Variants in FMN1 observed in about 807,000 individuals in gnomAD.
The protein encoded by FMN1 is formin 1.
In FMN1, 110 loss-of-function variants were observed where a neutral mutation model predicts 132.4. The observed-to-expected ratio is 0.83, with a 90% CI of 0.71 to 0.97. The LOEUF (loss-of-function observed/expected upper bound fraction) is 0.97, where lower values mean the gene tolerates loss of function less well. Ranked by LOEUF, FMN1 falls within the 50% of genes least tolerant of loss-of-function variation. The probability of loss-of-function intolerance (pLI) is 0.00; values close to 1 mark genes in which losing one functional copy is unlikely to be tolerated. For synonymous variants in FMN1, 722 were observed against 651.7 expected (o/e 1.11, Z -1.64); for missense variants, 1,792 against 1,705.3 (o/e 1.05, Z -0.90).
rs1445863921 is a variant in FMN1, at chr15:32,785,215, TATA to T, written c.4131-8299_4131-8297del. Among the ~76,000 whole-genome samples the T allele has an allele frequency of 2.1e-4, 12 of 57,772 alleles. No individual in the cohort carries two copies. The East Asian group carries it at 2.7e-3, about 13-fold the overall frequency. The allele number at this position is 57,772 out of a possible 152,430, so 37.9% of individuals were successfully genotyped here. A position where few individuals can be genotyped will look rare whatever the true frequency, so the allele number is the denominator to read the frequency against. ...GTGTGTGTGTGTATATATATATATA[TATA>T]TTTTTTTTTTTTTTTTTTTGTAGAG... On this transcript the variant is annotated intron_variant, in intron 19 of 20. Transcript: ENST00000616417.
intron 17 of FMN1, among the ~76,000 whole-genome samples, chr15:32,835,844 T>A (rs541462027): frequency 6.6e-6 from 1 of 152,214 alleles, no homozygotes; most frequent in South Asian, 2.1e-4. Flanking sequence ...ACTGTTCTTC[T>A]TTTTCTGTTT....
chr15:32,808,477 T>C (rs2057758663), intron 17 of FMN1, among the ~76,000 whole-genome samples: 1 of 152,186 alleles, frequency 6.6e-6, no homozygotes, highest in South Asian at 2.1e-4. Context: ...GGGTTGGCTG[T>C]TTTGCCAGAG....
At chr15:32,901,846 T>A in intron 13 of FMN1, 65 bp downstream of exon 13, 1 of 1,372,174 alleles carries the variant, frequency 7.3e-7, no homozygotes, top group Non-Finnish European at 9.9e-7. Context: ...ATTAAAGTGG[T>A]CTCTCCCACT....
At chr15:32,799,188 T>A (rs528221815) in intron 18 of FMN1, among the ~76,000 whole-genome samples, 9 of 152,322 alleles carry the variant, frequency 5.9e-5, no homozygotes, top group Admixed American at 4.6e-4. Flanking sequence ...CTTATCTGTA[T>A]AAAATCAGCA....
intron 7 of FMN1, among the ~76,000 whole-genome samples, chr15:32,989,304 G>A (rs1390709274): frequency 6.6e-6 from 1 of 152,190 alleles, no homozygotes; most frequent in African/African-American, 2.4e-5. Context: ...ATTATAATGT[G>A]AGAACTAGTC....
chr15:32,966,826 T>G (rs1013551131), intron 8 of FMN1, among the ~76,000 whole-genome samples: 1 of 152,242 alleles, frequency 6.6e-6, no homozygotes, highest in Non-Finnish European at 1.5e-5. Context: ...GCCTCCTTTA[T>G]GAGAAGGTAT....
chr15:33,050,083 T>C (rs1307503735), intron 6 of FMN1, among the ~76,000 whole-genome samples: 1 of 152,260 alleles, frequency 6.6e-6, no homozygotes, highest in African/African-American at 2.4e-5. Flanking sequence ...TTGTGTTCAA[T>C]GATTCTGCCC....
At chr15:32,990,472 C>T (rs16962724) in intron 7 of FMN1, among the ~76,000 whole-genome samples, 2,893 of 152,124 alleles carry the variant, frequency 0.019, 75 homozygotes, top group African/African-American at 0.064. Flanking sequence ...AGAGTTGGAA[C>T]GGAATTCAAG....
At chr15:32,840,673 G>A (rs2058726812) in intron 17 of FMN1, among the ~76,000 whole-genome samples, 1 of 152,204 alleles carries the variant, frequency 6.6e-6, no homozygotes, top group Non-Finnish European at 1.5e-5. Flanking sequence ...GTGGGTGGGA[G>A]GCAGTCCTTG....
intron 12 of FMN1, among the ~76,000 whole-genome samples, chr15:32,905,491 G>A (rs2060401778): frequency 6.6e-6 from 1 of 152,146 alleles, no homozygotes; most frequent in African/African-American, 2.4e-5. Context: ...ATCAAACCCA[G>A]TAGAGCCTCA....
At chr15:32,962,906 T>C (rs1045173901) in intron 9 of FMN1, among the ~76,000 whole-genome samples, 49 of 148,096 alleles carry the variant, frequency 3.3e-4, no homozygotes, top group East Asian at 3.0e-3. Flanking sequence ...GACTGTAAAC[T>C]AGTTCAACCA....
chr15:33,057,929 A>G (rs1018528387), intron 6 of FMN1, among the ~76,000 whole-genome samples: 26 of 152,102 alleles, frequency 1.7e-4, no homozygotes, highest in African/African-American at 3.9e-4. Context: ...GTTGATGGCT[A>G]TAAGCACATG....
rs367588805 is a variant in FMN1, at chr15:32,992,547, C to G, written c.2223+15467G>C. 6.6e-5 allele frequency among the ~76,000 whole-genome samples: 10 copies of G among 152,088 alleles called. No homozygotes were observed. The East Asian group carries it at 1.2e-3, about 18-fold the overall frequency. On this transcript the variant is annotated intron_variant, in intron 7 of 20. Transcript: ENST00000616417. ...AGATTATAGATCATATCTTAGTTTA[C>G]AAACTTAAGAAAAAGGACTGGTATC...
chr15:32,988,616 T>C (rs1446044622), intron 7 of FMN1, among the ~76,000 whole-genome samples: 1 of 152,218 alleles, frequency 6.6e-6, no homozygotes, highest in Non-Finnish European at 1.5e-5. Flanking sequence ...GAGGCTCGAC[T>C]TTCAGTCATG....
At chr15:32,946,580 G>C (rs1385692872) in intron 9 of FMN1, among the ~76,000 whole-genome samples, 1 of 152,148 alleles carries the variant, frequency 6.6e-6, no homozygotes, top group African/African-American at 2.4e-5. Flanking sequence ...GGGTGGTAAA[G>C]GCCTTTCGAC....
At chr15:33,029,455 C>CTAGGA (rs1430031578) in intron 6 of FMN1, among the ~76,000 whole-genome samples, 83 of 152,150 alleles carry the variant, frequency 5.5e-4, no homozygotes, top group African/African-American at 2.0e-3. Flanking sequence ...TTGAGAGTCG[C>CTAGGA]GTGTAGACTA....
chr15:33,001,954 A>G (rs1319466756), intron 7 of FMN1, among the ~76,000 whole-genome samples: 1 of 152,030 alleles, frequency 6.6e-6, no homozygotes, highest in Non-Finnish European at 1.5e-5. Context: ...CAACTGTCCA[A>G]TCCAAATATT....
chr15:33,034,112 A>G (rs1057412862), intron 6 of FMN1, among the ~76,000 whole-genome samples: 6 of 152,210 alleles, frequency 3.9e-5, no homozygotes, highest in Non-Finnish European at 7.3e-5. Flanking sequence ...ATATACATCT[A>G]GAGCTCAGAG....
intron 6 of FMN1, among the ~76,000 whole-genome samples, chr15:33,060,259 T>C (rs903254733): frequency 1.3e-5 from 2 of 152,172 alleles, no homozygotes; most frequent in African/African-American, 4.8e-5. Context: ...GGAAAATCCA[T>C]TGCTGACTAA....
Sources: allele counts gnomAD v4.1 joint callset (sites outside exome capture counted in the v4.1 genomes callset), GRCh38; gene constraint gnomAD v4.1.1; transcripts MANE v1.5; gene names NCBI Gene and HGNC (gene_info 2026-07-23, HGNC 2026-07-21).